MOB3B: variants seen among roughly 807,000 people sequenced by gnomAD.
The protein encoded by MOB3B is MOB kinase activator-like 2B.
A neutral mutation model predicts 18.7 loss-of-function variants in MOB3B; 7 were observed. That is an observed-to-expected ratio of 0.37 (90% CI 0.21 to 0.70). MOB3B has a LOEUF of 0.70. Among genes scored for constraint, MOB3B ranks in the 30% least tolerant of loss-of-function variants. The pLI, the probability that MOB3B is intolerant of heterozygous loss-of-function variation, is 0.52. For synonymous variants in MOB3B, 111 were observed against 99.9 expected (o/e 1.11, Z -0.66); for missense variants, 253 against 281.3 (o/e 0.90, Z 0.72).
intron 2 of MOB3B, among the ~76,000 whole-genome samples, chr9:27,361,390 G>C (rs7849495): frequency 6.6e-6 from 1 of 151,956 alleles, no homozygotes; most frequent in East Asian, 1.9e-4. Context: ...GTGGCACAGA[G>C]ACATAAATAA....
At chr9:27,430,471 C>T (rs904838886) in intron 2 of MOB3B, among the ~76,000 whole-genome samples, 3 of 152,108 alleles carry the variant, frequency 2.0e-5, no homozygotes, top group African/African-American at 7.2e-5. Flanking sequence ...GGTAGGAGTG[C>T]GGACTCTGAG....
In MOB3B at chr9:27,364,663, A is replaced by G. The variant is rs981481800; in HGVS notation, c.419-5427T>C. Among the ~76,000 whole-genome samples the G allele has an allele frequency of 9.2e-5, 14 of 152,218 alleles. No homozygotes were observed. In the East Asian group the frequency reaches 1.5e-3, roughly 17 times the overall value. ...AAGCCTCACTTTCCCCTTAAAGAAT[A>G]TATCCCTTAAAGAAAAATGGGGATA... On this transcript the variant is annotated intron_variant, in intron 2 of 3. Transcript: ENST00000262244.
At chr9:27,514,345 CAAA>C (rs34526085) in intron 1 of MOB3B, among the ~76,000 whole-genome samples, 10 of 77,596 alleles carry the variant, frequency 1.3e-4, no homozygotes, top group East Asian at 4.0e-4. Flanking sequence ...ACCACAAGCT[CAAA>C]AAAAAAAAAA....
chr9:27,513,777 T>C (rs1820181601), intron 1 of MOB3B, among the ~76,000 whole-genome samples: 1 of 152,200 alleles, frequency 6.6e-6, no homozygotes, highest in African/African-American at 2.4e-5. Context: ...GGTAATTTTG[T>C]TATTGTTTGA....
chr9:27,366,872 T>C (rs932764079), intron 2 of MOB3B, among the ~76,000 whole-genome samples: 2 of 152,228 alleles, frequency 1.3e-5, no homozygotes, highest in African/African-American at 2.4e-5. Flanking sequence ...CTTCTTTCTT[T>C]AGAGCTTGGC....
chr9:27,364,421 C>CA (rs955002443), intron 2 of MOB3B, among the ~76,000 whole-genome samples: 1 of 152,134 alleles, frequency 6.6e-6, no homozygotes, highest in Admixed American at 6.5e-5. Flanking sequence ...AATATATTGG[C>CA]AAAAATGCTG....
chr9:27,418,018 G>T (rs1822180613), intron 2 of MOB3B, among the ~76,000 whole-genome samples: 1 of 148,950 alleles, frequency 6.7e-6, no homozygotes, highest in South Asian at 2.1e-4. Flanking sequence ...CTTGAACCTG[G>T]GAGGCGGAGG....
chr9:27,529,167 C>G (rs1304079685), intron 1 of MOB3B, among the ~76,000 whole-genome samples: 1 of 152,236 alleles, frequency 6.6e-6, no homozygotes, highest in Non-Finnish European at 1.5e-5. Context: ...TCCCGCCACC[C>G]ACAGCCCAAC....
chr9:27,494,504 G>A (rs1040378542), intron 1 of MOB3B, among the ~76,000 whole-genome samples: 22 of 152,024 alleles, frequency 1.4e-4, no homozygotes, highest in Admixed American at 6.6e-4. Context: ...CAAGCTGGCC[G>A]ATGCTTAAGG....
chr9:27,416,692 C>T (rs1362348837), intron 2 of MOB3B, among the ~76,000 whole-genome samples: 1 of 147,556 alleles, frequency 6.8e-6, no homozygotes, highest in Admixed American at 7.0e-5. Context: ...TACCACCATG[C>T]CCAGCCAATT....
chr9:27,505,954 G>A (rs1163216960), intron 1 of MOB3B, among the ~76,000 whole-genome samples: 1 of 152,184 alleles, frequency 6.6e-6, no homozygotes, highest in African/African-American at 2.4e-5. Context: ...CCAATTACAC[G>A]CATGGGCTTT....
intron 3 of MOB3B, among the ~76,000 whole-genome samples, chr9:27,354,115 G>A (rs1186975761): frequency 1.3e-5 from 2 of 152,222 alleles, no homozygotes; most frequent in Non-Finnish European, 2.9e-5. Flanking sequence ...CAGCCATAGC[G>A]GCTGAACAGC....
intron 1 of MOB3B, among the ~76,000 whole-genome samples, chr9:27,492,750 A>C (rs1035010241): frequency 6.6e-6 from 1 of 152,218 alleles, no homozygotes; most frequent in Non-Finnish European, 1.5e-5. Flanking sequence ...AGATAAAAAG[A>C]AACTAAGTAT....
At chr9:27,334,871 T>A (rs1019065159) in intron 3 of MOB3B, among the ~76,000 whole-genome samples, 2 of 152,176 alleles carry the variant, frequency 1.3e-5, no homozygotes, top group African/African-American at 2.4e-5. Flanking sequence ...TCCCCCAGGC[T>A]GGAGCGCAGT....
rs185523173 is a variant in MOB3B at position 27,448,319 on chromosome 9, G to A, written c.418+6814C>T. Among the ~76,000 whole-genome samples the A allele has an allele frequency of 2.6e-5, 4 of 152,318 alleles. No homozygotes were observed. In the East Asian group the frequency reaches 7.7e-4, roughly 29 times the overall value. ...ACAGATTAAATGACATAATGCAGGT[G>A]TATTAGTCTGTTTTCATTCTGCTGA... On this transcript the variant is annotated intron_variant, in intron 2 of 3. Transcript: ENST00000262244.
intron 1 of MOB3B, among the ~76,000 whole-genome samples, chr9:27,480,936 C>A (rs539074368): frequency 6.6e-6 from 1 of 151,970 alleles, no homozygotes; most frequent in East Asian, 1.9e-4. Context: ...GAAACGATGC[C>A]TTGTGGAGTT....
At chr9:27,428,385 G>A (rs576066579) in intron 2 of MOB3B, among the ~76,000 whole-genome samples, 7 of 152,312 alleles carry the variant, frequency 4.6e-5, no homozygotes, top group Admixed American at 4.6e-4. Context: ...AATCATGCCT[G>A]AAGTACAACG....
intron 1 of MOB3B, among the ~76,000 whole-genome samples, chr9:27,490,987 T>A (rs1373211296): frequency 1.3e-5 from 2 of 152,036 alleles, no homozygotes; most frequent in Non-Finnish European, 2.9e-5. Context: ...GCCTTTTTTT[T>A]TTTTAATTCA....
chr9:27,363,006 A>G (rs10118529), intron 2 of MOB3B, among the ~76,000 whole-genome samples: 64,874 of 151,840 alleles, frequency 0.43, 14,143 homozygotes, highest in African/African-American at 0.5. Flanking sequence ...TATGTAACTA[A>G]CCTCATGGCA....
Sources: allele counts gnomAD v4.1 joint callset (sites outside exome capture counted in the v4.1 genomes callset), GRCh38; gene constraint gnomAD v4.1.1; transcripts MANE v1.5; gene names NCBI Gene and HGNC (gene_info 2026-07-23, HGNC 2026-07-21).